Variants in GPC4 observed in about 807,000 individuals in gnomAD.
The protein encoded by GPC4 is glypican-4.
Under a neutral mutation model 35.0 loss-of-function variants are expected in GPC4, and 10 were observed. That is an observed-to-expected ratio of 0.29 (90% CI 0.18 to 0.48). The LOEUF is 0.48. GPC4 is among the 20% of genes least tolerant of loss of function. The pLI is 0.99. For synonymous variants in GPC4, 167 were observed against 170.2 expected (o/e 0.98, Z 0.15); for missense variants, 322 against 451.3 (o/e 0.71, Z 2.60).
chrX:133,371,040 C>T (rs899963967), intron 1 of GPC4, among the ~76,000 whole-genome samples: 6 of 112,080 alleles, frequency 5.4e-5, no homozygotes, highest in South Asian at 3.7e-4. Context: ...TTAATATGCG[C>T]GTCTCTGTGG....
At chrX:133,399,726 C>G (rs180735014) in intron 1 of GPC4, among the ~76,000 whole-genome samples, 2 of 112,318 alleles carry the variant, frequency 1.8e-5, no homozygotes, top group African/African-American at 6.5e-5. Flanking sequence ...TCCAGCCAGG[C>G]TCGGTGGCTC....
At chrX:133,303,609 T>C (rs1218641522) in intron 7 of GPC4, among the ~76,000 whole-genome samples, 2 of 111,129 alleles carry the variant, frequency 1.8e-5, no homozygotes, top group African/African-American at 6.5e-5. Flanking sequence ...CACAGCACTT[T>C]TGGAGGCTAA....
At chrX:133,316,307 G>T (rs2068338135) in intron 3 of GPC4, among the ~76,000 whole-genome samples, 1 of 111,587 alleles carries the variant, frequency 9.0e-6, no homozygotes, top group Non-Finnish European at 1.9e-5. Context: ...AGAGATTAAG[G>T]GACTCACACA....
At chrX:133,379,110 A>G (rs951933836) in intron 1 of GPC4, among the ~76,000 whole-genome samples, 2 of 112,557 alleles carry the variant, frequency 1.8e-5, no homozygotes, top group African/African-American at 6.5e-5. Context: ...AAGAAAACTG[A>G]AAACAGGTGT....
rs190642125 is a variant in GPC4 at position 133,330,851 on chromosome X, G to A, written c.320-6315C>T. ...CTAGCTACTAGGGAGGCTGAGATGG[G>A]AGAATCGCTTAAGCCCAGGAGTTCA... On this transcript the variant is annotated intron_variant, in intron 2 of 8. Transcript: ENST00000370828. Among the ~76,000 whole-genome samples the A allele has an allele frequency of 4.5e-5, 5 of 111,070 alleles. No homozygotes were observed. The East Asian group carries it at 1.1e-3, about 25-fold the overall frequency.
chrX:133,403,051 G>A (rs981699325), intron 1 of GPC4, among the ~76,000 whole-genome samples: 3 of 111,158 alleles, frequency 2.7e-5, no homozygotes, highest in Non-Finnish European at 3.8e-5. Context: ...AATACTAAGC[G>A]CCCACCTCCA....
At chrX:133,329,196 T>A (rs945755683) in intron 2 of GPC4, among the ~76,000 whole-genome samples, 1 of 112,133 alleles carries the variant, frequency 8.9e-6, no homozygotes, top group Non-Finnish European at 1.9e-5. Flanking sequence ...TCTGAGCCTC[T>A]TTTATCCCAT....
At chrX:133,398,437 C>T (rs2068753686) in intron 1 of GPC4, among the ~76,000 whole-genome samples, 1 of 111,870 alleles carries the variant, frequency 8.9e-6, no homozygotes, top group Non-Finnish European at 1.9e-5. Flanking sequence ...CTCAGGGTTC[C>T]TCATTAGGAC....
At chrX:133,349,514 G>A (rs2068507465) in intron 1 of GPC4, among the ~76,000 whole-genome samples, 1 of 112,626 alleles carries the variant, frequency 8.9e-6, no homozygotes, top group Admixed American at 9.4e-5. Context: ...AATACAGTTG[G>A]TGAGTGGGGA....
At chrX:133,343,310 T>C (rs1373344772) in intron 1 of GPC4, among the ~76,000 whole-genome samples, 2 of 111,931 alleles carry the variant, frequency 1.8e-5, no homozygotes, top group African/African-American at 3.3e-5. Context: ...CCTGCTTCCA[T>C]GGCTCTTGAC....
chrX:133,404,866 A>AAAAAAAAAAAAAAG lies in GPC4; in HGVS notation c.160+9939_160+9940insCTTTTTTTTTTTTT, dbSNP rs753375530. On this transcript the variant is annotated intron_variant, in intron 1 of 8. Transcript: ENST00000370828. Reference sequence around the variant, plus strand: ...GACCCTGTCTCAAAAAAAAAAAAAAAAAGGTGCAGAGGAACAAAATCATAA... The same window carrying AAAAAAAAAAAAAAG: ...GACCCTGTCTCAAAAAAAAAAAAAAAAAAAAAAAAAAAAGAAGGTGCAGAGGAACAAAATCATAA... 4.3e-4 allele frequency among the ~76,000 whole-genome samples: 38 copies of AAAAAAAAAAAAAAG among 89,263 alleles called. 2 individuals are homozygous for AAAAAAAAAAAAAAG. The highest frequency in any genetic ancestry group is 1.7e-3 in the African/African-American group (33 of 19,219). 77.5% of individuals were successfully genotyped at this position (89,263 alleles called of 115,157 possible).
chrX:133,406,647 G>C (rs2068788938), intron 1 of GPC4, among the ~76,000 whole-genome samples: 1 of 106,038 alleles, frequency 9.4e-6, no homozygotes, highest in Non-Finnish European at 1.9e-5. Flanking sequence ...TACTCAGGAG[G>C]CTGAAGCAGG....
rs766731290 is a variant in GPC4 at position 133,377,436 on chromosome X, G to C, written c.160+37370C>G. ...TATTGTCCCATTACATTGTCCTATA[G>C]TGCTCATTTCCCTTGGCAGCAGGGT... On this transcript the variant is annotated intron_variant, in intron 1 of 8. Coordinates refer to ENST00000370828, the MANE Select transcript of GPC4 (RefSeq NM_001448.3). 4.5e-5 allele frequency among the ~76,000 whole-genome samples: 5 copies of C among 112,060 alleles called. No homozygotes were observed. The Admixed American group carries it at 4.7e-4, about 11-fold the overall frequency.
At chrX:133,410,148 T>C (rs1304157746) in intron 1 of GPC4, among the ~76,000 whole-genome samples, 1 of 111,873 alleles carries the variant, frequency 8.9e-6, no homozygotes, top group Non-Finnish European at 1.9e-5. Context: ...AACACGAAAA[T>C]TGTGCCGTTT....
Position 133,415,274 on chromosome X carries a change from C to G in GPC4, c.-309G>C, listed in dbSNP as rs2068833662. ...CTCGGGGTTTCGCGGGGCAGCGAAC[C>G]CGGCAAGCTGACTGGCCGGCGAGGC... On this transcript the variant is annotated 5_prime_UTR_variant, in exon 1 of 9. Coordinates refer to ENST00000370828, the MANE Select transcript of GPC4 (RefSeq NM_001448.3). 4.0e-6 allele frequency: 1 copy of G among 249,797 alleles called. No homozygotes were observed. The highest frequency in any genetic ancestry group is 7.0e-6 in the Non-Finnish European group (1 of 142,520). The allele number at this position is 249,797 out of a possible 1,213,427, so 20.6% of individuals were successfully genotyped here.
intron 1 of GPC4, among the ~76,000 whole-genome samples, chrX:133,412,845 G>A (rs1417976144): frequency 2.7e-5 from 3 of 112,100 alleles, no homozygotes; most frequent in Non-Finnish European, 5.6e-5. Flanking sequence ...GCGAAAGACT[G>A]CACAGAGCAA....
intron 1 of GPC4, among the ~76,000 whole-genome samples, chrX:133,377,596 T>C (rs971001456): frequency 8.9e-6 from 1 of 112,384 alleles, no homozygotes; most frequent in African/African-American, 3.2e-5. Context: ...ACAACATGCA[T>C]TGAGCATTTG....
intron 1 of GPC4, among the ~76,000 whole-genome samples, chrX:133,350,541 AAAAC>A (rs1211053856): frequency 4.5e-5 from 5 of 111,047 alleles, no homozygotes; most frequent in Admixed American, 2.9e-4. Context: ...CAAACAAAAC[AAAAC>A]AAACAAACAA....
chrX:133,320,532 G>A (rs1234165458), intron 3 of GPC4, among the ~76,000 whole-genome samples: 1 of 106,675 alleles, frequency 9.4e-6, no homozygotes, highest in African/African-American at 3.4e-5. Flanking sequence ...GCTGAGGCAG[G>A]AGAACTGCTT....
Sources: allele counts gnomAD v4.1 joint callset (sites outside exome capture counted in the v4.1 genomes callset), GRCh38; gene constraint gnomAD v4.1.1; transcripts MANE v1.5; gene names NCBI Gene and HGNC (gene_info 2026-07-23, HGNC 2026-07-21).